The following FBN2 variants were observed in gnomAD, a reference collection of about 807,000 sequenced individuals.
FBN2 encodes fibrillin 2.
FBN2 carries 105 observed loss-of-function variants against 355.6 expected under a neutral mutation model. The observed-to-expected ratio is 0.30, with a 90% CI of 0.25 to 0.35. The LOEUF is 0.35. Ranked by LOEUF, FBN2 falls within the 10% of genes least tolerant of loss-of-function variation. The pLI is 1.00. For missense variants in FBN2, 3,280 were observed against 3,758.7 expected (o/e 0.87, Z 3.33); for synonymous variants, 1,350 against 1,301.2 (o/e 1.04, Z -0.81).
At chr5:128,367,256 A>C (rs1358084182) in intron 16 of FBN2, among the ~76,000 whole-genome samples, 1 of 152,178 alleles carries the variant, frequency 6.6e-6, no homozygotes, top group Non-Finnish European at 1.5e-5. Context: ...CAGCGGTATA[A>C]GACAGTATTC....
At chr5:128,278,903 C>G (rs1013924526) in intron 56 of FBN2, 62 bp from the exon 57 acceptor site, 1 of 1,347,228 alleles carries the variant, frequency 7.4e-7, no homozygotes, top group Non-Finnish European at 1.0e-6. Flanking sequence ...TCCTGGCTTT[C>G]AAATTAAGCA....
intron 53 of FBN2, among the ~76,000 whole-genome samples, chr5:128,287,727 C>T (rs1191946538): frequency 2.0e-5 from 3 of 152,084 alleles, no homozygotes; most frequent in African/African-American, 7.2e-5. Context: ...AAATTACCCT[C>T]CAGATGACCA....
At chr5:128,456,015 A>AAAAAAAAAAAAC in intron 6 of FBN2, among the ~76,000 whole-genome samples, 1 of 147,448 alleles carries the variant, frequency 6.8e-6, no homozygotes, top group Non-Finnish European at 1.5e-5. Context: ...AAAAAAAAAA[A>AAAAAAAAAAAAC]AAAAAAAAGC....
intron 20 of FBN2, among the ~76,000 whole-genome samples, chr5:128,353,761 T>C (rs1402368147): frequency 6.6e-6 from 1 of 152,162 alleles, no homozygotes; most frequent in Non-Finnish European, 1.5e-5. Context: ...ATGAGAAAAT[T>C]TAGGCACACA....
Position 128,336,133 on chromosome 5 carries a change from G to A in FBN2, c.3599-20C>T. ...TAATATCTATAAAAGATACACAGAA[G>A]TAATGCTTTACACAATGTCCACTCA... On this transcript the variant is annotated intron_variant, in intron 27 of 64. Transcript: ENST00000262464. 1 of 1,611,310 alleles carries A rather than the reference G, an allele frequency of 6.2e-7. No homozygotes were observed.
At position 128,349,354 on chromosome 5, in the gene FBN2, T is replaced by C; in HGVS notation, c.2982A>G (p.Val994=). The C allele has an allele frequency of 6.2e-7, 1 of 1,614,092 alleles. No individual in the cohort carries two copies. Among genetic ancestry groups the C allele is most frequent in the African/African-American group, 1.3e-5 (1 of 75,006 alleles). ...TGAGGGTGTGAATCTTACCCAAACA[T>C]ACACGGCCAGTCCCATCCAACGTAA... The part of the protein sequence containing the change: ...EGLTLDGTGR[V]CLDIRMEQCY... Residue 994 remains valine, a synonymous_variant, in exon 23 of 65, where the codon GTA becomes GTG. Coordinates refer to ENST00000262464, the MANE Select transcript of FBN2 (RefSeq NM_001999.4).
chr5:128,490,487 T>C (rs1168631124), intron 5 of FBN2, among the ~76,000 whole-genome samples: 1 of 152,178 alleles, frequency 6.6e-6, no homozygotes, highest in Non-Finnish European at 1.5e-5. Context: ...AAAACAAGAG[T>C]TTACACCTCT....
chr5:128,455,990 CAAAAAAAAAAAAAAAAA>C (rs70997371), intron 6 of FBN2, among the ~76,000 whole-genome samples: 29 of 25,282 alleles, frequency 1.1e-3, no homozygotes, highest in Middle Eastern at 0.056. Flanking sequence ...GGGTTAGCAA[CAAAAAAAAAAAAAAAAA>C]AAAAAAAAAA....
At chr5:128,470,323 G>C (rs1754825188) in intron 5 of FBN2, among the ~76,000 whole-genome samples, 1 of 152,188 alleles carries the variant, frequency 6.6e-6, no homozygotes, top group Non-Finnish European at 1.5e-5. Context: ...GATGGAAGTT[G>C]CAGCCACGTT....
At chr5:128,460,923 C>G (rs1754538914) in intron 6 of FBN2, among the ~76,000 whole-genome samples, 1 of 152,050 alleles carries the variant, frequency 6.6e-6, no homozygotes. Flanking sequence ...TAAGTAATAC[C>G]ATTCAGGACA....
At chr5:128,307,849 C>T (rs1457657029) in intron 41 of FBN2, among the ~76,000 whole-genome samples, 1 of 151,970 alleles carries the variant, frequency 6.6e-6, no homozygotes, top group Non-Finnish European at 1.5e-5. Context: ...CACTGCTATA[C>T]AAGTGAGTAA....
chr5:128,272,310 A>T (rs1765287982), intron 61 of FBN2, among the ~76,000 whole-genome samples, 192 bp from the exon 62 acceptor site: 1 of 152,036 alleles, frequency 6.6e-6, no homozygotes, highest in African/African-American at 2.4e-5. Flanking sequence ...CAGTTCTGAG[A>T]TAAGAGACCA....
intron 33 of FBN2, among the ~76,000 whole-genome samples, chr5:128,330,124 C>G (rs996735551): frequency 5.7e-4 from 87 of 152,258 alleles, no homozygotes; most frequent in African/African-American, 2.0e-3. Flanking sequence ...ACAGTTTTCC[C>G]ATGCCATTCA....
At chr5:128,338,381 A>G (rs1750903437) in intron 26 of FBN2, among the ~76,000 whole-genome samples, 1 of 152,182 alleles carries the variant, frequency 6.6e-6, no homozygotes, top group African/African-American at 2.4e-5. Context: ...GAAATACATA[A>G]TATTTGCTTT....
intron 5 of FBN2, among the ~76,000 whole-genome samples, chr5:128,466,030 C>T (rs1754701679): frequency 6.6e-6 from 1 of 152,190 alleles, no homozygotes; most frequent in Admixed American, 6.5e-5. Flanking sequence ...CTGCTTTCTT[C>T]TGTGATTTAC....
intron 5 of FBN2, among the ~76,000 whole-genome samples, chr5:128,499,612 A>G (rs1203035484): frequency 4.6e-5 from 7 of 152,162 alleles, no homozygotes. Context: ...AGATGTGGGA[A>G]TCAATACTGT....
chr5:128,261,794 C>A lies in FBN2; in HGVS notation c.8306G>T (p.Gly2769Val). Residue 2769 changes from glycine (G) to valine (V), a missense_variant, in exon 64 of 65, where the codon GGC (glycine) becomes GTC (valine). Coordinates refer to ENST00000262464, the MANE Select transcript of FBN2 (RefSeq NM_001999.4). ...PEACYECKINGYSKKDSRQKR... is the reference protein window; with the variant it reads ...PEACYECKINVYSKKDSRQKR... ...CTGCCTGCTGTCTTTCTTAGAATAGCCGTTGATTTTGCACTCGTAGCATGC... is the reference window on the plus strand; with the variant it reads ...CTGCCTGCTGTCTTTCTTAGAATAGACGTTGATTTTGCACTCGTAGCATGC... 1 of 1,614,170 alleles carries A rather than the reference C, an allele frequency of 6.2e-7. No homozygotes were observed. Among genetic ancestry groups the A allele is most frequent in the Non-Finnish European group, 8.5e-7 (1 of 1,180,004 alleles).
At chr5:128,290,023 T>C (rs112177625) in intron 50 of FBN2, 76 bp from the exon 51 acceptor site, 12 of 792,672 alleles carry the variant, frequency 1.5e-5, no homozygotes, top group African/African-American at 1.4e-4. Flanking sequence ...ATGAACAATA[T>C]ACATGAAATT....
intron 15 of FBN2, among the ~76,000 whole-genome samples, chr5:128,371,714 G>A (rs1751950287): frequency 6.6e-6 from 1 of 152,006 alleles, no homozygotes; most frequent in African/African-American, 2.4e-5. Context: ...TGTATTTTTA[G>A]TAGAGATGGG....
Sources: allele counts gnomAD v4.1 joint callset (sites outside exome capture counted in the v4.1 genomes callset), GRCh38; gene constraint gnomAD v4.1.1; transcripts MANE v1.5; gene names NCBI Gene and HGNC (gene_info 2026-07-23, HGNC 2026-07-21).